Variants in MRC2 observed in about 807,000 individuals in gnomAD.
MRC2 encodes C-type mannose receptor 2.
Under a neutral mutation model 206.2 loss-of-function variants are expected in MRC2, and 84 were observed. The ratio of observed to expected loss-of-function variants is 0.41; its 90% CI spans 0.34 to 0.49. The LOEUF (loss-of-function observed/expected upper bound fraction) is 0.49. MRC2 is among the 20% of genes least tolerant of loss of function. The pLI is 0.31. For missense variants in MRC2, 1,676 were observed against 2,001.5 expected (o/e 0.84, Z 3.10); for synonymous variants, 798 against 800.0 (o/e 1.00, Z 0.04).
intron 1 of MRC2, among the ~76,000 whole-genome samples, chr17:62,628,997 C>T (rs374321786): frequency 1.3e-5 from 2 of 152,122 alleles, no homozygotes; most frequent in Admixed American, 6.5e-5. Flanking sequence ...GTTGGCCTGG[C>T]GTGACGTAGG....
At chr17:62,630,491 G>A (rs995016884) in intron 1 of MRC2, among the ~76,000 whole-genome samples, 1 of 152,184 alleles carries the variant, frequency 6.6e-6, no homozygotes, top group Non-Finnish European at 1.5e-5. Flanking sequence ...GGCAGGAAGG[G>A]GCCACCAGGC....
At chr17:62,688,724 T>TTTGCCCCAGCATCTC (rs1299776316) in intron 22 of MRC2, 60 bp downstream of exon 22, 1 of 1,594,970 alleles carries the variant, frequency 6.3e-7, no homozygotes, top group Non-Finnish European at 8.6e-7. Context: ...TGGGGCTGCC[T>TTTGCCCCAGCATCTC]TTGCCCCAGC....
rs373244162 is a variant in MRC2 at position 62,688,852 on chromosome 17, A to T, written c.3226A>T (p.Thr1076Ser). The change falls in exon 23 of 30, where the codon ACC becomes TCC. Residue 1076 changes from threonine to serine, a missense_variant and splice_region_variant. Coordinates refer to ENST00000303375, the MANE Select transcript of MRC2 (RefSeq NM_006039.5). ...CCCCTGAGCAGCTCCCTCCCCCCAG[A>T]CCAGCTGTGCAGTGGTCCTGCACAG... ...PSPAPSGNKPTSCAVVLHSPS... is the reference protein window; with the variant it reads ...PSPAPSGNKPSSCAVVLHSPS... 2.9e-5 allele frequency: 47 copies of T among 1,609,584 alleles called. No individual in the cohort carries two copies. In the African/African-American group the frequency reaches 5.6e-4, roughly 19 times the overall value.
rs746042964 is a variant in MRC2 at position 62,664,959 on chromosome 17, C to T, written c.520+10C>T. 80 of 1,586,716 alleles carry T rather than the reference C, an allele frequency of 5.0e-5. No homozygotes were observed. Among genetic ancestry groups the T allele is most frequent in the Non-Finnish European group, 6.2e-5 (72 of 1,167,958 alleles). On this transcript the variant is annotated intron_variant, in intron 2 of 29. Coordinates refer to ENST00000303375, the MANE Select transcript of MRC2 (RefSeq NM_006039.5). This position sits in a 1 kb window ranked among gnomAD's most constrained non-coding sequence, Gnocchi z 4.7. The stretch of plus-strand genomic sequence containing the variant: ...GCTCTGCCCTACCACGGTGAGGGGC[C>T]GCTTGCAGGCGGGAGGGTGGGGTCC...
intron 6 of MRC2, among the ~76,000 whole-genome samples, chr17:62,668,387 T>TAAATAAAA (rs1428802687): frequency 1.4e-5 from 2 of 146,048 alleles, no homozygotes; most frequent in Non-Finnish European, 3.0e-5. Flanking sequence ...AATAAATAAA[T>TAAATAAAA]TTAAAAAAAA....
At chr17:62,629,726 G>C (rs146780864) in intron 1 of MRC2, among the ~76,000 whole-genome samples, 1 of 152,220 alleles carries the variant, frequency 6.6e-6, no homozygotes, top group Non-Finnish European at 1.5e-5. Context: ...TTCCTTGCCC[G>C]AAGAGCTGGC....
chr17:62,690,561 G>T, intron 26 of MRC2, 81 bp from the exon 27 acceptor site: 1 of 1,515,016 alleles, frequency 6.6e-7, no homozygotes, highest in Admixed American at 2.2e-5. Context: ...AGGCTGCAGA[G>T]AAGAGGGCTG....
At chr17:62,683,266 C>G (rs143333530) in intron 20 of MRC2, among the ~76,000 whole-genome samples, 1 of 150,028 alleles carries the variant, frequency 6.7e-6, no homozygotes, top group African/African-American at 2.5e-5. Flanking sequence ...ATTAGGAGTT[C>G]GAGACCAGCC....
intron 12 of MRC2, 40 bp downstream of exon 12, chr17:62,677,526 A>G: frequency 2.0e-6 from 3 of 1,525,712 alleles, no homozygotes; most frequent in Non-Finnish European, 2.7e-6. Flanking sequence ...CAGGGGGAGG[A>G]CAGGAGCAAA....
rs200996881 is a variant in MRC2 at position 62,676,565 on chromosome 17, G to C, written c.1834+34G>C. The C allele has an allele frequency of 1.9e-6, 3 of 1,551,962 alleles. No homozygotes were observed. In the African/African-American group the frequency reaches 4.1e-5, roughly 21 times the overall value. ...CTTATTTGACTTGCCTTGGTGAAGC[G>C]AGGAGGGAGGCCAGGGTGGACTGGC... is the stretch of plus-strand genomic sequence containing the variant. On this transcript the variant is annotated intron_variant, in intron 11 of 29. Coordinates refer to ENST00000303375, the MANE Select transcript of MRC2 (RefSeq NM_006039.5).
At chr17:62,681,185 G>A (rs2088962451) in intron 18 of MRC2, 56 bp downstream of exon 18, 2 of 1,579,234 alleles carry the variant, frequency 1.3e-6, no homozygotes, top group Admixed American at 1.8e-5. Flanking sequence ...CACACACGGA[G>A]CACAGAGGCA....
rs368670138 is a variant in MRC2, at chr17:62,664,020, C to T, written c.119-528C>T. On this transcript the variant is annotated intron_variant, in intron 1 of 29. Coordinates refer to ENST00000303375, the MANE Select transcript of MRC2 (RefSeq NM_006039.5). This position sits in a 1 kb window ranked among gnomAD's most constrained non-coding sequence, Gnocchi z 4.7. ...TGTCGCCCAGGCTGGAGTGCAGTGGCGGGATCTCGGCTCACTGCAAGCTCC... is the reference window on the plus strand; with the variant it reads ...TGTCGCCCAGGCTGGAGTGCAGTGGTGGGATCTCGGCTCACTGCAAGCTCC... 5.5e-4 allele frequency among the ~76,000 whole-genome samples: 76 copies of T among 138,132 alleles called. No individual in the cohort carries two copies. The South Asian group carries it at 7.0e-3, about 13-fold the overall frequency. The allele number at this position is 138,132 out of a possible 152,430, so 90.6% of individuals were successfully genotyped here. A position where few individuals can be genotyped will look rare whatever the true frequency, so the allele number is the denominator to read the frequency against.
chr17:62,629,959 A>G (rs562514092), intron 1 of MRC2, among the ~76,000 whole-genome samples: 1 of 152,328 alleles, frequency 6.6e-6, no homozygotes, highest in South Asian at 2.1e-4. Context: ...GCGAGGCGGC[A>G]GTGCCTTCTT....
intron 1 of MRC2, among the ~76,000 whole-genome samples, chr17:62,642,238 TC>T (rs1480287779): frequency 6.6e-6 from 1 of 152,170 alleles, no homozygotes; most frequent in African/African-American, 2.4e-5. Flanking sequence ...TTTTTGAGGA[TC>T]CCAGGCCAGT....
chr17:62,634,830 C>CTT (rs773204542), intron 1 of MRC2, among the ~76,000 whole-genome samples: 4 of 140,554 alleles, frequency 2.8e-5, no homozygotes, highest in Admixed American at 7.3e-5. Context: ...TCTGATACAA[C>CTT]TTTTTTTTTT....
intron 1 of MRC2, among the ~76,000 whole-genome samples, chr17:62,645,451 C>T (rs2088463070): frequency 7.8e-6 from 1 of 128,380 alleles, no homozygotes; most frequent in Non-Finnish European, 1.6e-5. Flanking sequence ...ATATAATATA[C>T]ATATTGTGTG....
rs960552865 is a variant in MRC2 at position 62,652,702 on chromosome 17, C to T, written c.119-11846C>T. ...GAAGTGCCACAGATTGAGGGGCGCA[C>T]GGCGGTGGAGGGAGGGGCGCCCAGT... On this transcript the variant is annotated intron_variant, in intron 1 of 29. Coordinates refer to ENST00000303375, the MANE Select transcript of MRC2 (RefSeq NM_006039.5). This position sits in a 1 kb window ranked among gnomAD's most constrained non-coding sequence, Gnocchi z 4.6. Among the ~76,000 whole-genome samples, 13 of 145,550 alleles carry T rather than the reference C, an allele frequency of 8.9e-5. 1 individual carries two copies. Among genetic ancestry groups the T allele is most frequent in the Admixed American group, 6.2e-4 (9 of 14,428 alleles).
intron 12 of MRC2, 119 bp downstream of exon 12, chr17:62,677,605 T>A: frequency 3.5e-6 from 3 of 862,192 alleles, no homozygotes; most frequent in Non-Finnish European, 5.3e-6. Flanking sequence ...TGCAGACGGG[T>A]GATTTCTGGT....
At position 62,692,406 on chromosome 17, in the gene MRC2, G is replaced by T; in HGVS notation, c.4395G>T (p.Lys1465Asn). The T allele has an allele frequency of 6.4e-7, 1 of 1,574,250 alleles. No individual in the cohort carries two copies. Among genetic ancestry groups the T allele is most frequent in the South Asian group, 1.2e-5 (1 of 86,116 alleles). ...CCAGCCCCACCGAGGCCACTGAGAA[G>T]AACATCCTGGTGTCAGACATGGAAA... is the stretch of plus-strand genomic sequence containing the variant. ...SSSSPTEATE[K>N]NILVSDMEMN... Residue 1465 changes from lysine to asparagine, a missense_variant, in exon 30 of 30, where the codon AAG (lysine) becomes AAT (asparagine). Coordinates refer to ENST00000303375, the MANE Select transcript of MRC2 (RefSeq NM_006039.5). The surrounding 1 kb of genome is among the most constrained non-coding windows in gnomAD (Gnocchi z 4.2).
Sources: gnomAD v4.1 joint callset for allele counts (sites outside exome capture counted in the v4.1 genomes callset) on GRCh38, gnomAD v4.1.1 for gene constraint, Gnocchi (gnomAD v3.1) non-coding constraint, MANE v1.5 for transcripts, NCBI Gene and HGNC (gene_info 2026-07-23, HGNC 2026-07-21) for gene names.